The following FBXO21 variants were observed in gnomAD, a reference collection of about 807,000 sequenced individuals.
FBXO21 encodes F-box only protein 21.
In FBXO21, 32 loss-of-function variants were observed where a neutral mutation model predicts 76.6. The ratio of observed to expected loss-of-function variants is 0.42; its 90% CI spans 0.32 to 0.56. The LOEUF (loss-of-function observed/expected upper bound fraction) is 0.56, where lower values mean the gene tolerates loss of function less well. FBXO21 is among the 20% of genes least tolerant of loss of function. The probability of loss-of-function intolerance (pLI) is 0.16; values close to 1 mark genes in which losing one functional copy is unlikely to be tolerated. For synonymous variants in FBXO21, 328 were observed against 311.5 expected (o/e 1.05, Z -0.56); for missense variants, 586 against 797.3 (o/e 0.73, Z 3.19).
intron 4 of FBXO21, 82 bp from the exon 5 acceptor site, chr12:117,174,879 G>T: frequency 7.0e-7 from 1 of 1,434,732 alleles, no homozygotes. Context: ...GGACATCCTG[G>T]GACATGGCTC....
At chr12:117,183,502 C>T (rs978626163) in intron 3 of FBXO21, among the ~76,000 whole-genome samples, 2 of 152,140 alleles carry the variant, frequency 1.3e-5, no homozygotes, top group African/African-American at 4.8e-5. Context: ...TCAGATGATC[C>T]AAGGACTTGG....
chr12:117,174,062 A>G (rs1956147391), intron 6 of FBXO21, 143 bp downstream of exon 6: 3 of 660,974 alleles, frequency 4.5e-6, no homozygotes, highest in South Asian at 2.0e-5. Flanking sequence ...GCCTGAGCCC[A>G]GGAGTTTGAG....
intron 7 of FBXO21, among the ~76,000 whole-genome samples, chr12:117,169,927 CAAAT>C (rs1221504816): frequency 1.3e-5 from 2 of 151,590 alleles, no homozygotes; most frequent in Non-Finnish European, 2.9e-5. Context: ...GAGAAAGAAA[CAAAT>C]ATATATAGTT....
chr12:117,189,104 G>A (rs1956318564), intron 2 of FBXO21, 123 bp downstream of exon 2: 1 of 1,078,326 alleles, frequency 9.3e-7, no homozygotes, highest in African/African-American at 1.6e-5. Context: ...CCATCTAAGT[G>A]AGTAAGGGAT....
chr12:117,147,721 G>A (rs1955792539), intron 11 of FBXO21, among the ~76,000 whole-genome samples: 1 of 152,092 alleles, frequency 6.6e-6, no homozygotes, highest in Non-Finnish European at 1.5e-5. Context: ...GGTGCTTTGT[G>A]CGCCCTTCTT....
At chr12:117,160,752 C>T (rs1172469812) in intron 9 of FBXO21, among the ~76,000 whole-genome samples, 2 of 152,168 alleles carry the variant, frequency 1.3e-5, no homozygotes, top group Non-Finnish European at 2.9e-5. Flanking sequence ...ACCTCAGCCT[C>T]GCAAGTAGCT....
At position 117,189,279 on chromosome 12, in the gene FBXO21, A is replaced by C; in HGVS notation, c.323T>G (p.Leu108Ter). 6.2e-7 allele frequency: 1 copy of C among 1,614,232 alleles called. No homozygotes were observed. Among genetic ancestry groups the C allele is most frequent in the Non-Finnish European group, 8.5e-7 (1 of 1,180,048 alleles). Residue 108 changes from leucine to a stop codon, truncating the protein, a stop_gained, in exon 2 of 12, where the codon TTA becomes TGA. Transcript: ENST00000622495. LOFTEE classifies it high-confidence loss of function. Reference protein sequence around the residue: ...EEYKVRQKAGLEARKIVASFS... With the variant: ...EEYKVRQKAG ...CGAGGCTACAATCTTCCGCGCTTCT[A>C]ACCCAGCTTTTTGCCGAACTTTATA... is the stretch of plus-strand genomic sequence containing the variant.
intron 9 of FBXO21, among the ~76,000 whole-genome samples, chr12:117,160,377 T>C (rs961356175): frequency 6.6e-6 from 1 of 152,186 alleles, no homozygotes; most frequent in Non-Finnish European, 1.5e-5. Context: ...ATCCATTGTC[T>C]ATGGATCCGC....
intron 11 of FBXO21, 79 bp from the exon 12 acceptor site, chr12:117,146,356 C>CA: frequency 1.6e-6 from 2 of 1,280,906 alleles, no homozygotes; most frequent in Non-Finnish European, 2.2e-6. Context: ...AACCTCCCAT[C>CA]ACCCCTTCCA....
chr12:117,165,058 C>T (rs924614312), intron 9 of FBXO21, among the ~76,000 whole-genome samples: 2 of 151,934 alleles, frequency 1.3e-5, no homozygotes, highest in Non-Finnish European at 2.9e-5. Context: ...AGTCCAGTGG[C>T]TGGACTTGAA....
intron 9 of FBXO21, 145 bp downstream of exon 9, chr12:117,165,340 A>C: frequency 1.2e-6 from 1 of 843,942 alleles, no homozygotes; most frequent in Non-Finnish European, 1.8e-6. Context: ...GTAAAAAAAA[A>C]TCTACCAATG....
intron 3 of FBXO21, 34 bp from the exon 4 acceptor site, chr12:117,177,675 G>C: frequency 1.2e-6 from 2 of 1,600,336 alleles, no homozygotes; most frequent in African/African-American, 1.3e-5. Flanking sequence ...ATTAAGATTT[G>C]AAAACTTTCA....
chr12:117,160,165 A>T (rs925985767), intron 9 of FBXO21, among the ~76,000 whole-genome samples: 2 of 152,190 alleles, frequency 1.3e-5, no homozygotes, highest in African/African-American at 4.8e-5. Context: ...TGGGGGCTAC[A>T]CAGTCCCTGA....
chr12:117,151,609 ATG>A (rs1327553831), intron 11 of FBXO21, among the ~76,000 whole-genome samples: 1 of 152,238 alleles, frequency 6.6e-6, no homozygotes, highest in African/African-American at 2.4e-5. Flanking sequence ...AATATTTAAT[ATG>A]TGTTTTTAAA....
chr12:117,146,790 GAGA>G (rs1955775668), intron 11 of FBXO21, among the ~76,000 whole-genome samples: 1 of 152,170 alleles, frequency 6.6e-6, no homozygotes, highest in Non-Finnish European at 1.5e-5. Flanking sequence ...GCTTCCAACA[GAGA>G]GCAGCCTCTT....
intron 9 of FBXO21, among the ~76,000 whole-genome samples, chr12:117,165,157 T>G (rs1956038231): frequency 6.6e-6 from 1 of 152,174 alleles, no homozygotes; most frequent in Non-Finnish European, 1.5e-5. Context: ...GGTTGACCAT[T>G]TACAGCTGTG....
intron 11 of FBXO21, among the ~76,000 whole-genome samples, chr12:117,153,190 A>C (rs1327244106): frequency 6.6e-6 from 1 of 151,868 alleles, no homozygotes; most frequent in Non-Finnish European, 1.5e-5. Flanking sequence ...CCAGTTAGGA[A>C]GTAGGCAAGC....
Position 117,158,020 on chromosome 12 carries a change from T to C in FBXO21, c.1370A>G (p.Gln457Arg). The C allele has an allele frequency of 6.2e-7, 1 of 1,614,246 alleles. No individual in the cohort carries two copies. The highest frequency in any genetic ancestry group is 8.5e-7 in the Non-Finnish European group (1 of 1,180,034). The change falls in exon 10 of 12, where the codon CAG becomes CGG. Residue 457 changes from glutamine (Q) to arginine (R), a missense_variant. Physicochemically the swap from Gln to Arg is conservative, Grantham distance 43. Around this residue, in one of 6 missense-constraint regions of FBXO21, gnomAD observed 164 missense variants for 236.7 expected, o/e 0.69. Coordinates refer to ENST00000622495, the MANE Select transcript of FBXO21 (RefSeq NM_015002.3). The stretch of plus-strand genomic sequence containing the variant: ...CACCAGGTAGCCCACCGCCCCGTGC[T>C]GCCCCGGGTCTAGGGTTTGGATGTG... ...LQHIQTLDPG[Q>R]HGAVGYLVQH...
In FBXO21 at chr12:117,189,435, T is replaced by C. The variant is rs1328776410; in HGVS notation, c.240-73A>G. The stretch of plus-strand genomic sequence containing the variant: ...GGCGGCCACGAATCCAAGGCAGCCT[T>C]GGAAACAGGGACAGCAGTGGCGTCC... On this transcript the variant is annotated intron_variant, in intron 1 of 11. Transcript: ENST00000622495. 13 of 1,566,774 alleles carry C rather than the reference T, an allele frequency of 8.3e-6. No individual in the cohort carries two copies. In the East Asian group the frequency reaches 2.7e-4, roughly 32 times the overall value.
Sources: gnomAD v4.1 joint callset for allele counts (sites outside exome capture counted in the v4.1 genomes callset) on GRCh38, gnomAD v4.1.1 for gene constraint, gnomAD v4.1.1 regional missense constraint, MANE v1.5 for transcripts, NCBI Gene and HGNC (gene_info 2026-07-23, HGNC 2026-07-21) for gene names.